PCDH15: variants seen among roughly 807,000 people sequenced by gnomAD.
PCDH15 encodes protocadherin-15.
PCDH15 carries 129 observed loss-of-function variants against 178.5 expected under a neutral mutation model. The ratio of observed to expected loss-of-function variants is 0.72; its 90% CI spans 0.63 to 0.84. PCDH15 has a LOEUF of 0.84. PCDH15 is among the 40% of genes least tolerant of loss of function. The pLI, the probability that PCDH15 is intolerant of heterozygous loss-of-function variation, is 0.00. For missense variants in PCDH15, 2,230 were observed against 2,099.9 expected (o/e 1.06, Z -1.21); for synonymous variants, 800 against 732.0 (o/e 1.09, Z -1.50).
At chr10:54,087,959 G>A (rs2094541492) in intron 16 of PCDH15, among the ~76,000 whole-genome samples, 1 of 152,098 alleles carries the variant, frequency 6.6e-6, no homozygotes, top group Non-Finnish European at 1.5e-5. Context: ...GCCATGTGAA[G>A]CGCTGACTCC....
upstream of PCDH15, among the ~76,000 whole-genome samples, chr10:55,321,293 A>G (rs1013358672): frequency 6.6e-6 from 1 of 152,150 alleles, no homozygotes; most frequent in Non-Finnish European, 1.5e-5. Context: ...ACAGACAAAC[A>G]TTTTTAAAAA....
chr10:53,840,302 A>T lies in PCDH15; in HGVS notation c.3983+18T>A. The T allele has an allele frequency of 6.2e-7, 1 of 1,612,110 alleles. No individual in the cohort carries two copies. The highest frequency in any genetic ancestry group is 1.1e-5 in the South Asian group (1 of 91,046). On this transcript the variant is annotated intron_variant, in intron 29 of 37. Coordinates refer to ENST00000644397, the MANE Select transcript of PCDH15 (RefSeq NM_001384140.1). ...TATTGTAACCAAAGAGCTGTTACAGATAACAAAAAGCACTTACTTAAAAAG... is the reference window on the plus strand; with the variant it reads ...TATTGTAACCAAAGAGCTGTTACAGTTAACAAAAAGCACTTACTTAAAAAG...
chr10:55,058,612 G>C (rs1422272381), intron 2 of PCDH15, among the ~76,000 whole-genome samples: 7 of 152,050 alleles, frequency 4.6e-5, no homozygotes, highest in African/African-American at 1.4e-4. Flanking sequence ...ACATACAACT[G>C]AAATTAATAC....
intron 1 of PCDH15, among the ~76,000 whole-genome samples, chr10:54,731,435 G>A (rs1035905930): frequency 2.7e-5 from 4 of 149,352 alleles, no homozygotes; most frequent in African/African-American, 9.8e-5. Context: ...CAAAAAGGCA[G>A]TATATTGAAG....
At chr10:54,446,482 T>A (rs1196238263) in intron 3 of PCDH15, among the ~76,000 whole-genome samples, 1 of 151,668 alleles carries the variant, frequency 6.6e-6, no homozygotes, top group Non-Finnish European at 1.5e-5. Context: ...TGAAACTGTA[T>A]TGACCTTTTT....
chr10:54,504,712 T>C (rs1402041657), intron 3 of PCDH15, among the ~76,000 whole-genome samples: 1 of 152,122 alleles, frequency 6.6e-6, no homozygotes, highest in Non-Finnish European at 1.5e-5. Context: ...CAGATATACA[T>C]ATACATATAT....
chr10:54,414,040 T>C (rs4935107), intron 3 of PCDH15, among the ~76,000 whole-genome samples: 71,655 of 151,914 alleles, frequency 0.47, 17,624 homozygotes, highest in Non-Finnish European at 0.53. Flanking sequence ...CTACACAATA[T>C]ATACATATGA....
intron 2 of PCDH15, among the ~76,000 whole-genome samples, chr10:54,614,103 C>CAT (rs2093053767): frequency 6.6e-6 from 1 of 151,822 alleles, no homozygotes; most frequent in South Asian, 2.1e-4. Context: ...TGCATATGAG[C>CAT]ATATATATAC....
At chr10:55,354,603 A>C (rs1313881592) in intron 2 of PCDH15, among the ~76,000 whole-genome samples, 2 of 152,100 alleles carry the variant, frequency 1.3e-5, no homozygotes. Context: ...TGTTAAAAAT[A>C]TAAATTCCTG....
At chr10:54,753,052 C>G (rs1273255764) in intron 1 of PCDH15, among the ~76,000 whole-genome samples, 1 of 152,122 alleles carries the variant, frequency 6.6e-6, no homozygotes, top group Non-Finnish European at 1.5e-5. Flanking sequence ...TTATCACATA[C>G]TAAAGATACA....
chr10:55,487,296 A>G (rs1334862471), intron 2 of PCDH15, among the ~76,000 whole-genome samples: 1 of 151,540 alleles, frequency 6.6e-6, no homozygotes, highest in Admixed American at 6.6e-5. Flanking sequence ...ACTTTCACCC[A>G]CTTCTGGGGC....
chr10:54,128,185 G>A (rs1364957000), intron 15 of PCDH15, among the ~76,000 whole-genome samples: 2 of 152,132 alleles, frequency 1.3e-5, no homozygotes, highest in East Asian at 1.9e-4. Context: ...CAACAATCCT[G>A]TGATCTAGTG....
At chr10:55,011,445 A>T (rs1004572932) in intron 2 of PCDH15, among the ~76,000 whole-genome samples, 6 of 152,076 alleles carry the variant, frequency 3.9e-5, no homozygotes, top group Non-Finnish European at 8.8e-5. Context: ...AGTGCTATGG[A>T]GTCTTTTCTT....
intron 1 of PCDH15, among the ~76,000 whole-genome samples, chr10:54,705,863 G>A (rs1279561242): frequency 6.6e-6 from 1 of 152,084 alleles, no homozygotes; most frequent in Non-Finnish European, 1.5e-5. Context: ...TTATAGACAG[G>A]TATCTGATGA....
At chr10:55,278,607 T>G (rs554566050) in intron 1 of PCDH15, among the ~76,000 whole-genome samples, 2 of 152,332 alleles carry the variant, frequency 1.3e-5, no homozygotes, top group East Asian at 3.9e-4. Context: ...ACAGTAGGAT[T>G]AGCTTCAATA....
intron 2 of PCDH15, among the ~76,000 whole-genome samples, chr10:54,558,229 T>C (rs2087569143): frequency 6.6e-6 from 1 of 152,130 alleles, no homozygotes; most frequent in African/African-American, 2.4e-5. Flanking sequence ...AAACCACCTA[T>C]GTTAACAAAA....
intron 2 of PCDH15, among the ~76,000 whole-genome samples, chr10:55,618,332 T>G (rs1294209146): frequency 6.6e-6 from 1 of 152,092 alleles, no homozygotes; most frequent in Non-Finnish European, 1.5e-5. Flanking sequence ...TTTGTTGTAG[T>G]CTTTTGTATA....
intron 1 of PCDH15, among the ~76,000 whole-genome samples, chr10:54,700,275 C>T (rs2095291767): frequency 6.6e-6 from 1 of 152,066 alleles, no homozygotes; most frequent in Non-Finnish European, 1.5e-5. Flanking sequence ...TAGAATGTAC[C>T]AGCATGAGAA....
chr10:55,574,279 T>A (rs913193542), intron 2 of PCDH15, among the ~76,000 whole-genome samples: 6 of 152,010 alleles, frequency 3.9e-5, no homozygotes, highest in Non-Finnish European at 7.4e-5. Flanking sequence ...ATTCGTAGGT[T>A]TCTCTGAATG....
Sources: allele counts gnomAD v4.1 joint callset (sites outside exome capture counted in the v4.1 genomes callset), GRCh38; gene constraint gnomAD v4.1.1; transcripts MANE v1.5; gene names NCBI Gene and HGNC (gene_info 2026-07-23, HGNC 2026-07-21).